Variants in GPR137B observed in about 807,000 individuals in gnomAD.
The protein encoded by GPR137B is integral membrane protein GPR137B.
GPR137B carries 42 observed loss-of-function variants against 42.5 expected under a neutral mutation model. The observed-to-expected ratio is 0.99, with a 90% CI of 0.77 to 1.28. The LOEUF is 1.28. GPR137B is among the 50% of genes most tolerant of loss of function. The pLI is 0.00. For synonymous variants in GPR137B, 218 were observed against 209.7 expected (o/e 1.04, Z -0.34); for missense variants, 487 against 493.9 (o/e 0.99, Z 0.13).
intron 5 of GPR137B, among the ~76,000 whole-genome samples, chr1:236,184,177 C>T (rs113128689): frequency 6.6e-6 from 1 of 152,292 alleles, no homozygotes; most frequent in African/African-American, 2.4e-5. Flanking sequence ...TCTTTTAATG[C>T]ACCATTGCCT....
rs11442550 is a variant in GPR137B at position 236,208,455 on chromosome 1, G to GT, written c.*306dup. The GT allele has an allele frequency of 0.15, 124,060 of 815,688 alleles. 10,082 individuals carry two copies. The highest frequency in any genetic ancestry group is 0.45 in the African/African-American group (24,130 of 53,706). The allele number at this position is 815,688 out of a possible 1,614,324, so 50.5% of individuals were successfully genotyped here. On this transcript the variant is annotated 3_prime_UTR_variant, in exon 7 of 7. Transcript: ENST00000366592. ...AATAATAATGCTAAAGTATACTAGG[G>GT]TTTTTTTTTCTTGAGAATGTTACTG...
intron 1 of GPR137B, among the ~76,000 whole-genome samples, chr1:236,157,787 C>T (rs371705634): frequency 3.9e-5 from 6 of 152,274 alleles, no homozygotes; most frequent in African/African-American, 1.2e-4. Flanking sequence ...TGTATAGATG[C>T]GCCCATGCAG....
intron 6 of GPR137B, among the ~76,000 whole-genome samples, chr1:236,206,697 C>T (rs764917707): frequency 6.6e-6 from 1 of 152,246 alleles, no homozygotes; most frequent in Non-Finnish European, 1.5e-5. Flanking sequence ...TCAGCATGGG[C>T]ATGGTCTGCA....
At chr1:236,152,261 A>T (rs1661888337) in intron 1 of GPR137B, among the ~76,000 whole-genome samples, 1 of 151,544 alleles carries the variant, frequency 6.6e-6, no homozygotes, top group South Asian at 2.1e-4. Flanking sequence ...CAGGAGTTCA[A>T]GACTATCCTG....
intron 4 of GPR137B, 147 bp from the exon 5 acceptor site, chr1:236,183,631 A>G (rs1424541544): frequency 3.8e-6 from 2 of 526,928 alleles, no homozygotes; most frequent in South Asian, 6.8e-5. Flanking sequence ...AAGTATTAAT[A>G]TAGTATATTC....
At position 236,208,218 on chromosome 1, in the gene GPR137B, A is replaced by G; in HGVS notation, c.*60A>G. ...TGAAAAGCTTCAGAAAAGCATAGTG[A>G]CAGCTGAATTTTTAGGGCACTTTTC... On this transcript the variant is annotated 3_prime_UTR_variant, in exon 7 of 7. Transcript: ENST00000366592. The G allele has an allele frequency of 3.2e-6, 5 of 1,575,466 alleles. No homozygotes were observed. The South Asian group carries it at 5.8e-5, about 18-fold the overall frequency.
Position 236,148,790 on chromosome 1 carries a change from C to G in GPR137B, c.414+5754C>G, listed in dbSNP as rs749717510. Among the ~76,000 whole-genome samples the G allele has an allele frequency of 3.3e-5, 5 of 152,066 alleles. No homozygotes were observed. The South Asian group carries it at 8.3e-4, about 25-fold the overall frequency. ...CTCATAGTCGGTGTTGGGAGCTCAT[C>G]ATGGGCACTAGGCCAGCAAAGCCTT... On this transcript the variant is annotated intron_variant, in intron 1 of 6. Transcript: ENST00000366592.
intron 1 of GPR137B, among the ~76,000 whole-genome samples, chr1:236,157,338 C>G (rs1358073921): frequency 1.3e-5 from 2 of 152,110 alleles, no homozygotes; most frequent in East Asian, 1.9e-4. Flanking sequence ...ATTCTCCTGC[C>G]TCAGTCTCCC....
chr1:236,188,514 A>C (rs998589653), intron 5 of GPR137B, among the ~76,000 whole-genome samples: 19 of 151,998 alleles, frequency 1.3e-4, no homozygotes, highest in African/African-American at 4.3e-4. Context: ...GTTTATGGAG[A>C]GTTTTTACCA....
intron 5 of GPR137B, among the ~76,000 whole-genome samples, chr1:236,202,777 T>A (rs1163494120): frequency 6.6e-6 from 1 of 152,216 alleles, no homozygotes; most frequent in Admixed American, 6.5e-5. Context: ...CTCAAGAAAT[T>A]TTTGCCCAGA....
rs546234865 is a variant in GPR137B, at chr1:236,146,618, C to T, written c.414+3582C>T. On this transcript the variant is annotated intron_variant, in intron 1 of 6. Transcript: ENST00000366592. ...GAACACTTGCCCACACTGCCCCGTC[C>T]GAGCCTCCGTGCAATGCACACGATG... Among the ~76,000 whole-genome samples the T allele has an allele frequency of 8.5e-5, 13 of 152,334 alleles. No homozygotes were observed. In the East Asian group the frequency reaches 1.5e-3, roughly 18 times the overall value.
intron 1 of GPR137B, among the ~76,000 whole-genome samples, chr1:236,146,205 C>G (rs1036045671): frequency 1.3e-5 from 2 of 152,124 alleles, no homozygotes; most frequent in Non-Finnish European, 2.9e-5. Flanking sequence ...TAAATCTAAC[C>G]TCGTGTTCTC....
In GPR137B at chr1:236,144,567, C is replaced by A. The variant is rs1661630581; in HGVS notation, c.414+1531C>A. ...ATAGTATAATCTTTTAAAAATGGGT[C>A]TACACTCAGACTTCTTGTAAGTCCA... On this transcript the variant is annotated intron_variant, in intron 1 of 6. Transcript: ENST00000366592. Among the ~76,000 whole-genome samples the A allele has an allele frequency of 4.6e-5, 7 of 152,366 alleles. No individual in the cohort carries two copies. The East Asian group carries it at 7.7e-4, about 17-fold the overall frequency.
At position 236,190,167 on chromosome 1, in the gene GPR137B, T is replaced by TTG. The variant is rs1288464578; in HGVS notation, c.966+6261_966+6262insTG. On this transcript the variant is annotated intron_variant, in intron 5 of 6. Coordinates refer to ENST00000366592, the MANE Select transcript of GPR137B (RefSeq NM_003272.4). ...CTTCTTCTTTTTTTTTTTTTTTTTTTGCTTTCCATTTGCTTGGTAAATATT... is the reference window on the plus strand; with the variant it reads ...CTTCTTCTTTTTTTTTTTTTTTTTTTTGGCTTTCCATTTGCTTGGTAAATATT... 3.8e-3 allele frequency among the ~76,000 whole-genome samples: 534 copies of TTG among 139,366 alleles called. 4 individuals are homozygous for TTG. The highest frequency in any genetic ancestry group is 0.014 in the African/African-American group (504 of 36,680). 91.4% of individuals were successfully genotyped at this position (139,366 alleles called of 152,430 possible).
chr1:236,158,349 C>A (rs1353887458), intron 1 of GPR137B, among the ~76,000 whole-genome samples: 1 of 152,128 alleles, frequency 6.6e-6, no homozygotes, highest in Non-Finnish European at 1.5e-5. Flanking sequence ...CGCTTGAACC[C>A]GGGAGACAAG....
chr1:236,176,722 C>A (rs1662697324), intron 2 of GPR137B, among the ~76,000 whole-genome samples: 1 of 152,040 alleles, frequency 6.6e-6, no homozygotes, highest in Non-Finnish European at 1.5e-5. Context: ...TAGCTGACGT[C>A]ATGCTTTTTG....
intron 2 of GPR137B, among the ~76,000 whole-genome samples, chr1:236,174,670 C>G (rs944352793): frequency 6.6e-6 from 1 of 152,098 alleles, no homozygotes; most frequent in African/African-American, 2.4e-5. Flanking sequence ...AATAGGAACA[C>G]TTAGAGGCGT....
In GPR137B at chr1:236,147,192, T is replaced by G. The variant is rs192453606; in HGVS notation, c.414+4156T>G. Among the ~76,000 whole-genome samples the G allele has an allele frequency of 4.7e-3, 721 of 152,326 alleles. 1 individual carries two copies. The highest frequency in any genetic ancestry group is 7.8e-3 in the Non-Finnish European group (531 of 68,026). Reference sequence around the variant, plus strand: ...CCAGCCAGGCTTCGAGCTGCAGGGCTTGGTGCAGAGGGTGTGCCCATGCTC... The same window carrying G: ...CCAGCCAGGCTTCGAGCTGCAGGGCGTGGTGCAGAGGGTGTGCCCATGCTC... On this transcript the variant is annotated intron_variant, in intron 1 of 6. Coordinates refer to ENST00000366592, the MANE Select transcript of GPR137B (RefSeq NM_003272.4).
chr1:236,194,461 G>T (rs1364973357), intron 5 of GPR137B, among the ~76,000 whole-genome samples: 1 of 152,094 alleles, frequency 6.6e-6, no homozygotes, highest in Non-Finnish European at 1.5e-5. Context: ...GTTCCACTTT[G>T]CTCCTTATGT....
Sources: allele counts gnomAD v4.1 joint callset (sites outside exome capture counted in the v4.1 genomes callset), GRCh38; gene constraint gnomAD v4.1.1; transcripts MANE v1.5; gene names NCBI Gene and HGNC (gene_info 2026-07-23, HGNC 2026-07-21).